NUGGC: variants seen among roughly 807,000 people sequenced by gnomAD.
The protein encoded by NUGGC is nuclear GTPase SLIP-GC.
A neutral mutation model predicts 92.6 loss-of-function variants in NUGGC; 58 were observed. The observed-to-expected ratio is 0.63, with a 90% confidence interval of 0.51 to 0.78. The LOEUF (loss-of-function observed/expected upper bound fraction) is 0.78, where lower values mean the gene tolerates loss of function less well. Among genes scored for constraint, NUGGC ranks in the 30% least tolerant of loss-of-function variants. NUGGC has a pLI of 0.00. For synonymous variants in NUGGC, 376 were observed against 366.4 expected, an observed-to-expected ratio of 1.03 and a Z score of -0.30; for missense variants, 925 against 964.6, an observed-to-expected ratio of 0.96 and a Z score of 0.54.
intron 2 of NUGGC, among the ~76,000 whole-genome samples, chr8:28,071,964 C>T (rs1389562826): frequency 6.6e-6 from 1 of 152,168 alleles, no homozygotes; most frequent in African/African-American, 2.4e-5. Flanking sequence ...AACGGCAGCC[C>T]ACACAGAAGG....
In NUGGC at chr8:28,044,342, T is replaced by C. The variant is rs114237696; in HGVS notation, c.1446+1185A>G. On this transcript the variant is annotated intron_variant, in intron 12 of 18. Transcript: ENST00000413272. ...ACCAAATGAGGACAAGCAGAGGCTG[T>C]TTATTCACAGCTCACTACAGCAACA... Among the ~76,000 whole-genome samples, 1,469 of 152,286 alleles carry C rather than the reference T, an allele frequency of 9.6e-3. 32 individuals carry two copies. Among genetic ancestry groups the C allele is most frequent in the African/African-American group, 0.033 (1,378 of 41,562 alleles).
At chr8:28,043,126 G>T (rs554322105) in intron 12 of NUGGC, among the ~76,000 whole-genome samples, 14 of 152,268 alleles carry the variant, frequency 9.2e-5, no homozygotes, top group African/African-American at 3.4e-4. Flanking sequence ...AAAGAAGAAA[G>T]AAGTCATGGA....
At chr8:28,070,988 C>CAAAAAATA (rs1222329895) in intron 2 of NUGGC, among the ~76,000 whole-genome samples, 1 of 151,086 alleles carries the variant, frequency 6.6e-6, no homozygotes, top group African/African-American at 2.4e-5. Flanking sequence ...GACCCTGTCT[C>CAAAAAATA]AAAAAATAAA....
intron 7 of NUGGC, among the ~76,000 whole-genome samples, chr8:28,062,136 C>A: frequency 6.6e-6 from 1 of 152,222 alleles, no homozygotes; most frequent in Non-Finnish European, 1.5e-5. Flanking sequence ...AAAGCATCTG[C>A]TTCTCAAGTT....
At chr8:28,068,618 G>A (rs1378936098) in intron 4 of NUGGC, among the ~76,000 whole-genome samples, 180 bp from the exon 5 acceptor site, 1 of 152,150 alleles carries the variant, frequency 6.6e-6, no homozygotes, top group Non-Finnish European at 1.5e-5. Flanking sequence ...GTTGGCCTGG[G>A]GATCAAATGA....
intron 13 of NUGGC, among the ~76,000 whole-genome samples, chr8:28,038,336 T>C (rs768312771): frequency 5.3e-5 from 8 of 152,364 alleles, no homozygotes; most frequent in Admixed American, 3.9e-4. Context: ...TGTATCTTTC[T>C]ATCCCTGAAA....
At chr8:28,047,654 C>A in intron 10 of NUGGC, 42 bp from the exon 11 acceptor site, 1 of 1,282,886 alleles carries the variant, frequency 7.8e-7, no homozygotes, top group Non-Finnish European at 1.1e-6. Context: ...TAACTCAAAC[C>A]ATAGCAAAGG....
chr8:28,064,651 G>T lies in NUGGC; in HGVS notation c.792C>A (p.Arg264=). The T allele has an allele frequency of 6.2e-7, 1 of 1,614,016 alleles. No homozygotes were observed. Among genetic ancestry groups the T allele is most frequent in the Admixed American group, 1.7e-5 (1 of 60,030 alleles). ...RDWDGEAAEM[R]IWPLIKHVEV... Reference sequence around the variant, plus strand: ...CCACATGTTTGATCAAGGGCCAGATGCGCATCTCAGCGGCCTCTCCATCCC... The same window carrying T: ...CCACATGTTTGATCAAGGGCCAGATTCGCATCTCAGCGGCCTCTCCATCCC... The change falls in exon 7 of 19, where the codon CGC becomes CGA. Residue 264 remains arginine (R), a synonymous_variant. Coordinates refer to ENST00000413272, the MANE Select transcript of NUGGC (RefSeq NM_001010906.2).
chr8:28,056,115 G>A (rs1810128741), intron 9 of NUGGC, 61 bp from the exon 10 acceptor site: 2 of 901,620 alleles, frequency 2.2e-6, no homozygotes, highest in Non-Finnish European at 3.4e-6. Context: ...TGATGAGGTG[G>A]CAAGATGCAC....
At chr8:28,048,638 C>A (rs182458869) in intron 10 of NUGGC, among the ~76,000 whole-genome samples, 2 of 152,048 alleles carry the variant, frequency 1.3e-5, no homozygotes, top group Non-Finnish European at 2.9e-5. Flanking sequence ...CCAAGGCAGG[C>A]GGATCACAAG....
chr8:28,027,135 C>G (rs1324875673), intron 17 of NUGGC, 83 bp from the exon 18 acceptor site: 9 of 1,117,932 alleles, frequency 8.1e-6, no homozygotes, highest in Non-Finnish European at 1.2e-5. Context: ...CACCCAGTCC[C>G]CCAGCCACGG....
chr8:28,061,352 G>A (rs1392932330), intron 7 of NUGGC, among the ~76,000 whole-genome samples: 4 of 152,138 alleles, frequency 2.6e-5, no homozygotes, highest in Non-Finnish European at 5.9e-5. Context: ...TTCACATGAC[G>A]ATCATGTGTA....
intron 10 of NUGGC, among the ~76,000 whole-genome samples, chr8:28,050,379 C>G (rs925134432): frequency 9.6e-5 from 13 of 135,480 alleles, no homozygotes; most frequent in South Asian, 4.9e-4. Context: ...GAACAAAACT[C>G]TGTTAAAAAA....
intron 10 of NUGGC, among the ~76,000 whole-genome samples, 194 bp downstream of exon 10, chr8:28,055,771 T>C (rs1810117877): frequency 6.6e-6 from 1 of 152,190 alleles, no homozygotes; most frequent in Non-Finnish European, 1.5e-5. Context: ...AGGCAGAGGT[T>C]GCAGTGAGTC....
intron 8 of NUGGC, among the ~76,000 whole-genome samples, chr8:28,059,923 A>G (rs1810252684): frequency 3.9e-5 from 6 of 152,080 alleles, no homozygotes; most frequent in Admixed American, 3.9e-4. Context: ...CGGGAGGCTG[A>G]GGCAGGAGAA....
chr8:28,061,758 G>T (rs998171673), intron 7 of NUGGC, among the ~76,000 whole-genome samples: 1 of 152,150 alleles, frequency 6.6e-6, no homozygotes, highest in Admixed American at 6.5e-5. Context: ...GGCAAAAAAT[G>T]TCTGGAGACA....
chr8:28,065,922 G>A (rs1339474570), intron 6 of NUGGC, among the ~76,000 whole-genome samples: 1 of 152,202 alleles, frequency 6.6e-6, no homozygotes, highest in Non-Finnish European at 1.5e-5. Flanking sequence ...CCCAGGAAAA[G>A]GCAGGGGCTT....
At chr8:28,050,459 T>C (rs949782580) in intron 10 of NUGGC, among the ~76,000 whole-genome samples, 4 of 151,880 alleles carry the variant, frequency 2.6e-5, no homozygotes, top group African/African-American at 9.7e-5. Flanking sequence ...GGTTATTCAA[T>C]GGAAGCAGAA....
intron 10 of NUGGC, among the ~76,000 whole-genome samples, chr8:28,049,853 A>G (rs1809943824): frequency 1.3e-5 from 2 of 152,334 alleles, no homozygotes; most frequent in East Asian, 1.9e-4. Context: ...TGGGAAGCCG[A>G]GGCAGGTGGA....
Sources: gnomAD v4.1 joint callset for allele counts (sites outside exome capture counted in the v4.1 genomes callset) on GRCh38, gnomAD v4.1.1 for gene constraint, MANE v1.5 for transcripts, NCBI Gene and HGNC (gene_info 2026-07-23, HGNC 2026-07-21) for gene names.